CNTN5: variants seen among roughly 807,000 people sequenced by gnomAD.
CNTN5 encodes the protein contactin-5.
A neutral mutation model predicts 129.1 loss-of-function variants in CNTN5; 77 were observed. That is an observed-to-expected ratio of 0.60 (90% CI 0.50 to 0.72). The LOEUF is 0.72. Among genes scored for constraint, CNTN5 ranks in the 30% least tolerant of loss-of-function variants. The probability of loss-of-function intolerance (pLI) is 0.00; values close to 1 mark genes in which losing one functional copy is unlikely to be tolerated. For synonymous variants in CNTN5, 509 were observed against 465.6 expected (o/e 1.09, Z -1.20); for missense variants, 1,478 against 1,328.8 (o/e 1.11, Z -1.75).
intron 2 of CNTN5, among the ~76,000 whole-genome samples, chr11:99,516,738 T>G (rs559026942): frequency 4.6e-5 from 7 of 152,266 alleles, no homozygotes; most frequent in Admixed American, 3.3e-4. Context: ...AATCCTGAAT[T>G]TTTTTAAGAT....
intron 2 of CNTN5, among the ~76,000 whole-genome samples, chr11:99,352,367 A>C (rs1938357961): frequency 6.6e-6 from 1 of 152,322 alleles, no homozygotes; most frequent in South Asian, 2.1e-4. Flanking sequence ...GTATTAATGC[A>C]GTTGAAATGG....
intron 1 of CNTN5, among the ~76,000 whole-genome samples, chr11:99,291,606 G>T (rs767908392): frequency 6.6e-6 from 1 of 151,912 alleles, no homozygotes; most frequent in Admixed American, 6.6e-5. Flanking sequence ...AAAAGTGTAC[G>T]ATTATATAAC....
chr11:100,044,200 T>A (rs1942539576), intron 9 of CNTN5, among the ~76,000 whole-genome samples: 1 of 151,822 alleles, frequency 6.6e-6, no homozygotes, highest in South Asian at 2.1e-4. Flanking sequence ...TATGTATATA[T>A]AACATTTTCT....
At chr11:99,952,913 AGGCTCCCT>A (rs1309051842) in intron 7 of CNTN5, among the ~76,000 whole-genome samples, 36 of 152,324 alleles carry the variant, frequency 2.4e-4, no homozygotes, top group Middle Eastern at 3.4e-3. Flanking sequence ...TAAAGAAAAT[AGGCTCCCT>A]GGGACAGTTT....
chr11:99,819,523 A>G (rs200679586), intron 3 of CNTN5, 21 bp from the exon 4 acceptor site: 78 of 1,571,828 alleles, frequency 5.0e-5, no homozygotes, highest in Middle Eastern at 1.7e-4. Context: ...TTCAGATTTT[A>G]TTATATTTTT....
intron 18 of CNTN5, among the ~76,000 whole-genome samples, chr11:100,292,145 C>T (rs1253287695): frequency 6.6e-6 from 1 of 152,036 alleles, no homozygotes; most frequent in South Asian, 2.1e-4. Flanking sequence ...CTTCTTTCCA[C>T]TTTATTTTGT....
At chr11:99,195,110 T>TA (rs979899913) in intron 1 of CNTN5, among the ~76,000 whole-genome samples, 11 of 152,276 alleles carry the variant, frequency 7.2e-5, no homozygotes, top group East Asian at 1.9e-4. Flanking sequence ...CTCAATGTAT[T>TA]AAAAAAACTT....
chr11:99,050,996 T>C (rs929306553), intron 1 of CNTN5, among the ~76,000 whole-genome samples: 15 of 151,924 alleles, frequency 9.9e-5, no homozygotes, highest in Admixed American at 9.2e-4. Context: ...TAAGCATACA[T>C]GTATATTACA....
chr11:99,516,695 T>G (rs1293447012), intron 2 of CNTN5, among the ~76,000 whole-genome samples: 1 of 152,152 alleles, frequency 6.6e-6, no homozygotes, highest in Non-Finnish European at 1.5e-5. Context: ...TCAAAATATA[T>G]TATGGAAAAC....
intron 2 of CNTN5, among the ~76,000 whole-genome samples, chr11:99,498,381 C>A (rs1484817640): frequency 6.6e-6 from 1 of 152,092 alleles, no homozygotes; most frequent in Non-Finnish European, 1.5e-5. Flanking sequence ...TTAGTCACAG[C>A]TTTTATTAGC....
intron 2 of CNTN5, among the ~76,000 whole-genome samples, chr11:99,544,457 G>T (rs753797098): frequency 5.3e-5 from 8 of 152,184 alleles, no homozygotes; most frequent in Non-Finnish European, 7.3e-5. Context: ...TTTAGGTACT[G>T]TGCTGAGAAC....
intron 2 of CNTN5, among the ~76,000 whole-genome samples, chr11:99,450,602 A>C (rs1591079469): frequency 1.3e-5 from 2 of 152,100 alleles, no homozygotes; most frequent in East Asian, 3.9e-4. Flanking sequence ...TAACAATGAA[A>C]GAGTTAGAAT....
intron 21 of CNTN5, among the ~76,000 whole-genome samples, chr11:100,311,672 G>T (rs1418710928): frequency 2.0e-5 from 3 of 151,952 alleles, no homozygotes; most frequent in African/African-American, 7.2e-5. Context: ...GCCAAGAGAA[G>T]AATTTCAAAA....
intron 2 of CNTN5, among the ~76,000 whole-genome samples, chr11:99,518,568 T>G (rs1947147337): frequency 6.6e-6 from 1 of 152,008 alleles, no homozygotes; most frequent in Non-Finnish European, 1.5e-5. Context: ...AACAATAAGG[T>G]TAATGTTTTA....
chr11:99,781,079 G>A (rs1418878749), intron 3 of CNTN5, among the ~76,000 whole-genome samples: 1 of 152,052 alleles, frequency 6.6e-6, no homozygotes, highest in Non-Finnish European at 1.5e-5. Flanking sequence ...TTTAGTCTTA[G>A]TTCTGGCAGA....
chr11:100,325,661 G>T (rs1951775026), intron 21 of CNTN5, among the ~76,000 whole-genome samples: 1 of 152,098 alleles, frequency 6.6e-6, no homozygotes, highest in Non-Finnish European at 1.5e-5. Flanking sequence ...GATTTCTTTG[G>T]GTTGTTTGAA....
intron 18 of CNTN5, among the ~76,000 whole-genome samples, chr11:100,287,801 A>G (rs1950832933): frequency 6.6e-6 from 1 of 152,250 alleles, no homozygotes; most frequent in African/African-American, 2.4e-5. Flanking sequence ...CAATTTAAAG[A>G]CACAGACTGG....
intron 3 of CNTN5, among the ~76,000 whole-genome samples, chr11:99,754,348 C>G (rs1944342160): frequency 6.6e-6 from 1 of 152,164 alleles, no homozygotes; most frequent in South Asian, 2.1e-4. Flanking sequence ...AGCTCACATA[C>G]TGCAGTCTTT....
chr11:99,273,564 A>G (rs186124047), intron 1 of CNTN5, among the ~76,000 whole-genome samples: 1 of 151,798 alleles, frequency 6.6e-6, no homozygotes, highest in Non-Finnish European at 1.5e-5. Flanking sequence ...CCTAGCTAAG[A>G]TGTCACACGT....
Sources: gnomAD v4.1 joint callset for allele counts (sites outside exome capture counted in the v4.1 genomes callset) on GRCh38, gnomAD v4.1.1 for gene constraint, MANE v1.5 for transcripts, NCBI Gene and HGNC (gene_info 2026-07-23, HGNC 2026-07-21) for gene names.